The following THSD7B variants were observed in gnomAD, a reference collection of about 807,000 sequenced individuals.
THSD7B encodes the protein thrombospondin type 1 domain containing 7B, also known as thrombospondin type-1 domain-containing protein 7B.
THSD7B carries 138 observed loss-of-function variants against 213.6 expected under a neutral mutation model. The ratio of observed to expected loss-of-function variants is 0.65; its 90% CI spans 0.56 to 0.74. THSD7B has a LOEUF of 0.74. Among genes scored for constraint, THSD7B ranks in the 30% least tolerant of loss-of-function variants. The pLI, the probability that THSD7B is intolerant of heterozygous loss-of-function variation, is 0.00. For missense variants in THSD7B, 1,931 were observed against 1,991.5 expected (o/e 0.97, Z 0.58); for synonymous variants, 742 against 687.0 (o/e 1.08, Z -1.25).
intron 1 of THSD7B, among the ~76,000 whole-genome samples, chr2:136,792,265 G>A (rs1681979414): frequency 6.6e-6 from 1 of 151,864 alleles, no homozygotes. Flanking sequence ...AATCTGAAAA[G>A]GCAACATAAT....
intron 14 of THSD7B, among the ~76,000 whole-genome samples, chr2:137,444,195 G>A (rs1226961483): frequency 6.6e-6 from 1 of 151,934 alleles, no homozygotes; most frequent in Non-Finnish European, 1.5e-5. Flanking sequence ...ATGAGAGTAT[G>A]CAACTTCTTT....
At chr2:137,271,187 ATT>A (rs1281047297) in intron 10 of THSD7B, among the ~76,000 whole-genome samples, 4 of 150,980 alleles carry the variant, frequency 2.6e-5, no homozygotes, top group Non-Finnish European at 5.9e-5. Flanking sequence ...TTTTCTCTCC[ATT>A]CTTTATAACC....
intron 2 of THSD7B, among the ~76,000 whole-genome samples, chr2:136,942,851 C>G (rs1319359504): frequency 6.6e-6 from 1 of 152,166 alleles, no homozygotes; most frequent in Admixed American, 6.5e-5. Context: ...TTTCTTTCTC[C>G]TGCCTGATTG....
chr2:137,139,236 G>T (rs957699953), intron 5 of THSD7B, among the ~76,000 whole-genome samples: 10 of 152,168 alleles, frequency 6.6e-5, no homozygotes, highest in African/African-American at 2.4e-4. Context: ...TTGAGGGTCA[G>T]TAGAGTAAGT....
chr2:137,315,453 G>A (rs532360440), intron 12 of THSD7B, among the ~76,000 whole-genome samples: 1 of 152,248 alleles, frequency 6.6e-6, no homozygotes, highest in Admixed American at 6.5e-5. Context: ...TGGAAATGGA[G>A]AAATCACCCG....
chr2:136,982,112 G>A (rs1685586062), intron 2 of THSD7B, among the ~76,000 whole-genome samples: 1 of 152,126 alleles, frequency 6.6e-6, no homozygotes, highest in African/African-American at 2.4e-5. Context: ...TGGCAGACAG[G>A]CTGATCTTGA....
At chr2:137,378,135 A>G (rs1685699722) in intron 12 of THSD7B, among the ~76,000 whole-genome samples, 1 of 152,200 alleles carries the variant, frequency 6.6e-6, no homozygotes. Flanking sequence ...TCACTGATCT[A>G]TTAAAAACAA....
intron 20 of THSD7B, among the ~76,000 whole-genome samples, chr2:137,631,033 G>C (rs1288452708): frequency 6.6e-6 from 1 of 152,178 alleles, no homozygotes; most frequent in Non-Finnish European, 1.5e-5. Context: ...ACGATCTGAG[G>C]GGAAGTTTTG....
At chr2:137,033,885 C>T (rs1321552661) in intron 2 of THSD7B, among the ~76,000 whole-genome samples, 1 of 152,086 alleles carries the variant, frequency 6.6e-6, no homozygotes, top group East Asian at 1.9e-4. Context: ...TGGCCTGCTG[C>T]ACCCATCAAC....
chr2:137,011,727 A>C (rs1326472971), intron 2 of THSD7B, among the ~76,000 whole-genome samples: 1 of 152,146 alleles, frequency 6.6e-6, no homozygotes. Context: ...TCTGAATCTC[A>C]TCCATCCTTC....
At chr2:137,532,110 A>G (rs1484499308) in intron 15 of THSD7B, among the ~76,000 whole-genome samples, 1 of 151,982 alleles carries the variant, frequency 6.6e-6, no homozygotes, top group Non-Finnish European at 1.5e-5. Flanking sequence ...GTAACATGAT[A>G]ATATTGAGAA....
At chr2:137,314,616 T>C (rs1684033879) in intron 12 of THSD7B, among the ~76,000 whole-genome samples, 1 of 152,194 alleles carries the variant, frequency 6.6e-6, no homozygotes, top group Non-Finnish European at 1.5e-5. Context: ...TTCTGCTCTG[T>C]TTTTTCCCCA....
intron 2 of THSD7B, among the ~76,000 whole-genome samples, chr2:136,888,950 T>G (rs1021245401): frequency 4.4e-4 from 66 of 148,926 alleles, no homozygotes; most frequent in South Asian, 2.5e-3. Context: ...TTGGGGTGTG[T>G]GTGTGTGTGT....
At chr2:136,858,528 A>G (rs1683209838) in intron 1 of THSD7B, among the ~76,000 whole-genome samples, 1 of 152,192 alleles carries the variant, frequency 6.6e-6, no homozygotes, top group South Asian at 2.1e-4. Context: ...TCTTTTACAC[A>G]ATACACACTA....
At chr2:137,461,469 C>A (rs2105080212) in intron 15 of THSD7B, among the ~76,000 whole-genome samples, 1 of 152,194 alleles carries the variant, frequency 6.6e-6, no homozygotes, top group Non-Finnish European at 1.5e-5. Context: ...AGTCCTGAGT[C>A]ATATATCTTG....
At chr2:137,418,405 T>G (rs759003159) in intron 14 of THSD7B, among the ~76,000 whole-genome samples, 2 of 152,200 alleles carry the variant, frequency 1.3e-5, no homozygotes, top group African/African-American at 2.4e-5. Flanking sequence ...ATACAAGCCC[T>G]TCATGATTTT....
At chr2:137,352,302 G>A (rs770244354) in intron 12 of THSD7B, among the ~76,000 whole-genome samples, 2 of 151,846 alleles carry the variant, frequency 1.3e-5, no homozygotes, top group Non-Finnish European at 2.9e-5. Flanking sequence ...GCAGGATTCT[G>A]ATGGAGGTTA....
intron 4 of THSD7B, among the ~76,000 whole-genome samples, chr2:137,101,096 C>T (rs781434239): frequency 6.6e-5 from 10 of 152,154 alleles, no homozygotes; most frequent in Admixed American, 1.3e-4. Context: ...AATGGAGTGG[C>T]GTGATCTCAG....
intron 2 of THSD7B, among the ~76,000 whole-genome samples, chr2:136,933,236 G>T (rs1296950919): frequency 6.6e-6 from 1 of 150,662 alleles, no homozygotes; most frequent in African/African-American, 2.5e-5. Flanking sequence ...GAAAATAAAA[G>T]ATAACTTCAG....
Sources: gnomAD v4.1 joint callset for allele counts (sites outside exome capture counted in the v4.1 genomes callset) on GRCh38, gnomAD v4.1.1 for gene constraint, MANE v1.5 for transcripts, NCBI Gene and HGNC (gene_info 2026-07-23, HGNC 2026-07-21) for gene names.